The following AKAP9 variants were observed in gnomAD, a reference collection of about 807,000 sequenced individuals.
AKAP9 encodes A-kinase anchoring protein 9, also known as A-kinase anchor protein 9.
In AKAP9, 311 loss-of-function variants were observed where a neutral mutation model predicts 488.5. The observed-to-expected ratio is 0.64, with a 90% CI of 0.58 to 0.70. The LOEUF (loss-of-function observed/expected upper bound fraction) is 0.70. Ranked by LOEUF, AKAP9 falls within the 30% of genes least tolerant of loss-of-function variation. AKAP9 has a pLI of 0.00. For missense variants in AKAP9, 4,215 were observed against 4,374.5 expected (o/e 0.96, Z 1.03); for synonymous variants, 1,462 against 1,483.5 (o/e 0.99, Z 0.33).
rs1060504956 is a variant in AKAP9, at chr7:92,045,146, C to T, written c.5301C>T (p.Ala1767=). ...GATCTAGTAAAAGCCAGTCATCTGC[C>T]AGCCTAATTTGGAGGTCAGAAGCAG... ...LDRSSKSQSS[A]SLIWRSEAEA... is the part of the protein sequence containing the mutation. Residue 1767 remains alanine, a synonymous_variant, in exon 21 of 50, where the codon GCC becomes GCT. Transcript: ENST00000356239. The T allele has an allele frequency of 3.7e-6, 6 of 1,613,412 alleles. No homozygotes were observed. The African/African-American group carries it at 5.4e-5, about 14-fold the overall frequency.
intron 16 of AKAP9, among the ~76,000 whole-genome samples, chr7:92,034,498 A>ATAT (rs1172887684): frequency 3.9e-4 from 37 of 95,428 alleles, no homozygotes; most frequent in East Asian, 2.2e-3. Flanking sequence ...ATATATATAT[A>ATAT]TTTTTTTTTT....
Position 92,022,921 on chromosome 7 carries a change from T to C in AKAP9, c.4060T>C (p.Leu1354=), listed in dbSNP as rs369862231. Residue 1354 remains leucine (L), a synonymous_variant, in exon 14 of 50, where the codon TTG becomes CTG. Coordinates refer to ENST00000356239, the MANE Select transcript of AKAP9 (RefSeq NM_005751.5). ...ESLISSLQQQ[L]KETEQNYEAE... ...CCTCATATCCTCTTTGCAGCAACAGTTGAAAGAAACTGAACAAAACTATGA... is the reference window on the plus strand; with the variant it reads ...CCTCATATCCTCTTTGCAGCAACAGCTGAAAGAAACTGAACAAAACTATGA... The C allele has an allele frequency of 1.9e-6, 3 of 1,613,840 alleles. No individual in the cohort carries two copies. In the African/African-American group the frequency reaches 4.0e-5, roughly 22 times the overall value.
rs750984360 is a variant in AKAP9 at position 92,099,721 on chromosome 7, C to T, written c.10748C>T (p.Ser3583Leu). 23 of 1,613,912 alleles carry T rather than the reference C, an allele frequency of 1.4e-5. No homozygotes were observed. Among genetic ancestry groups the T allele is most frequent in the East Asian group, 2.2e-5 (1 of 44,886 alleles). The change falls in exon 44 of 50, where the codon TCA (serine) becomes TTA (leucine). Residue 3583 changes from serine to leucine, a missense_variant. This residue lies in a region of AKAP9 where 1,476 missense variants were observed against 1,477.4 expected (regional missense o/e 1.00). Coordinates refer to ENST00000356239, the MANE Select transcript of AKAP9 (RefSeq NM_005751.5). The stretch of plus-strand genomic sequence containing the variant: ...GTGTCCCCAAGTACTTCTTGTGGCT[C>T]ATTGACTGAAAGACTACTGAGACAA... The part of the protein sequence containing the change: ...SLVSPSTSCG[S>L]LTERLLRQNA...
Position 92,080,016 on chromosome 7 carries a change from A to G in AKAP9, c.7883A>G (p.Gln2628Arg). The G allele has an allele frequency of 6.4e-7, 1 of 1,563,588 alleles. No homozygotes were observed. The highest frequency in any genetic ancestry group is 1.2e-5 in the South Asian group (1 of 81,356). Residue 2628 changes from glutamine to arginine, a missense_variant, in exon 31 of 50, where the codon CAA becomes CGA. By Grantham distance (43) the Gln-to-Arg change is conservative (BLOSUM62 1). Transcript: ENST00000356239. The stretch of plus-strand genomic sequence containing the variant: ...ACTAGTTTGATTTTAGAAAAAGAAC[A>G]AGTAGAAATTGCAGAAAAAAATGTT... ...MHTSLILEKE[Q>R]VEIAEKNVLE...
intron 22 of AKAP9, chr7:92,058,107 T>C: frequency 1.9e-6 from 1 of 528,216 alleles, no homozygotes; most frequent in Non-Finnish European, 3.7e-6. Context: ...TAAAAAGAAC[T>C]TTTTAATGTA....
At chr7:92,082,683 C>T (rs746008426) in intron 32 of AKAP9, 21 bp downstream of exon 32, 11 of 1,612,748 alleles carry the variant, frequency 6.8e-6, no homozygotes, top group Middle Eastern at 3.3e-4. Context: ...TAACATAGCT[C>T]CTAATTCACT....
chr7:92,104,627 C>G (rs542899970), intron 46 of AKAP9, among the ~76,000 whole-genome samples: 3 of 152,166 alleles, frequency 2.0e-5, no homozygotes, highest in African/African-American at 7.2e-5. Flanking sequence ...CTAGGACAAC[C>G]AGCCCAGTCT....
intron 36 of AKAP9, among the ~76,000 whole-genome samples, chr7:92,085,929 C>T (rs1814479991): frequency 6.6e-6 from 1 of 151,882 alleles, no homozygotes; most frequent in Admixed American, 6.6e-5. Context: ...CATGTTGAAA[C>T]CCGTCTCTAC....
chr7:91,941,221 G>A (rs1158504680), intron 1 of AKAP9, 74 bp downstream of exon 1: 8 of 1,470,184 alleles, frequency 5.4e-6, no homozygotes, highest in Middle Eastern at 3.7e-4. Flanking sequence ...GGCCTGGGAA[G>A]CGGAGTTCGC....
intron 1 of AKAP9, among the ~76,000 whole-genome samples, chr7:91,972,135 G>T (rs114124690): frequency 1.7e-4 from 26 of 151,962 alleles, no homozygotes; most frequent in African/African-American, 6.3e-4. Context: ...AAGGCCCCTA[G>T]TCTGGCTAGG....
intron 16 of AKAP9, 118 bp downstream of exon 16, chr7:92,031,722 T>G (rs1440930483): frequency 5.2e-6 from 4 of 775,632 alleles, no homozygotes; most frequent in Non-Finnish European, 8.6e-6. Context: ...AGTTCATCTT[T>G]AAGTGATTGG....
At chr7:92,012,931 CAGGATGAGT>C (rs1562979517) in intron 9 of AKAP9, among the ~76,000 whole-genome samples, 1 of 140,374 alleles carries the variant, frequency 7.1e-6, no homozygotes, top group Non-Finnish European at 1.5e-5. Flanking sequence ...TACTTCCTGG[CAGGATGAGT>C]AGGGTGAGGT....
intron 2 of AKAP9, among the ~76,000 whole-genome samples, chr7:91,975,818 C>T (rs1205932446): frequency 6.6e-6 from 1 of 150,840 alleles, no homozygotes; most frequent in Non-Finnish European, 1.5e-5. Flanking sequence ...GAGGAGGTTC[C>T]CTTTTATTCC....
In AKAP9 at chr7:92,048,110, C is replaced by A. The variant is rs564131874; in HGVS notation, c.5368+2897C>A. 3.9e-5 allele frequency among the ~76,000 whole-genome samples: 6 copies of A among 152,232 alleles called. No homozygotes were observed. The South Asian group carries it at 1.2e-3, about 32-fold the overall frequency. On this transcript the variant is annotated intron_variant, in intron 21 of 49. Transcript: ENST00000356239. ...TTCCATATGTAAGAATTTTTTCTGA[C>A]ATTCCTTCATAAATATAATGGGAGC...
At position 92,107,357 on chromosome 7, in the gene AKAP9, A is replaced by G. The variant is rs1294844346; in HGVS notation, c.11481A>G (p.Arg3827=). ...GGCTGGAGTTATATGGAGAACCAAG[A>G]CATACTACGTATCGCTCAAGATCAG... The part of the protein sequence containing the change: ...SGGLELYGEP[R]HTTYRSRSDL... Residue 3827 remains arginine, a synonymous_variant, in exon 48 of 50, where the codon AGA becomes AGG. Transcript: ENST00000356239. 6.2e-7 allele frequency: 1 copy of G among 1,613,618 alleles called. No homozygotes were observed. Among genetic ancestry groups the G allele is most frequent in the African/African-American group, 1.3e-5 (1 of 74,896 alleles).
intron 16 of AKAP9, among the ~76,000 whole-genome samples, chr7:92,035,912 C>T (rs1317725738): frequency 6.6e-6 from 1 of 151,996 alleles, no homozygotes; most frequent in Non-Finnish European, 1.5e-5. Context: ...TCAATTTACC[C>T]ACATTTTTTT....
Position 92,108,622 on chromosome 7 carries a change from C to A in AKAP9, c.11675C>A (p.Thr3892Asn). 3 of 1,614,188 alleles carry A rather than the reference C, an allele frequency of 1.9e-6. No homozygotes were observed. The highest frequency in any genetic ancestry group is 2.5e-6 in the Non-Finnish European group (3 of 1,180,046). The change falls in exon 49 of 50, where the codon ACT becomes AAT. Residue 3892 changes from threonine to asparagine, a missense_variant. Transcript: ENST00000356239. ...RLEALQRRLG[T>N]IQSGSTTQFH... ...GAGGCACTGCAAAGACGACTTGGAACTATACAGTCAGGTGCTCTGAGTTTA... is the reference window on the plus strand; with the variant it reads ...GAGGCACTGCAAAGACGACTTGGAAATATACAGTCAGGTGCTCTGAGTTTA...
chr7:92,083,687 C>T, intron 33 of AKAP9, 32 bp downstream of exon 33: 1 of 1,590,754 alleles, frequency 6.3e-7, no homozygotes, highest in Non-Finnish European at 8.5e-7. Context: ...TGTTTTTCAA[C>T]ATTGTGTGGT....
At chr7:92,102,011 C>T (rs773155743) in intron 45 of AKAP9, among the ~76,000 whole-genome samples, 1 of 151,704 alleles carries the variant, frequency 6.6e-6, no homozygotes, top group Non-Finnish European at 1.5e-5. Context: ...CAAAAATTAG[C>T]CAGGCATGGT....
Sources: allele counts gnomAD v4.1 joint callset (sites outside exome capture counted in the v4.1 genomes callset), GRCh38; gene constraint gnomAD v4.1.1; regional missense constraint gnomAD v4.1.1; transcripts MANE v1.5; gene names NCBI Gene and HGNC (gene_info 2026-07-23, HGNC 2026-07-21).